The following USO1 variants were observed in gnomAD, a reference collection of about 807,000 sequenced individuals.
USO1 encodes the protein general vesicular transport factor p115.
In USO1, 57 loss-of-function variants were observed where a neutral mutation model predicts 124.5. That is an observed-to-expected ratio of 0.46 (90% CI 0.37 to 0.57). The LOEUF is 0.57. Ranked by LOEUF, USO1 falls within the 20% of genes least tolerant of loss-of-function variation. The pLI, the probability that USO1 is intolerant of heterozygous loss-of-function variation, is 0.00. For synonymous variants in USO1, 369 were observed against 362.8 expected (o/e 1.02, Z -0.19); for missense variants, 900 against 1,040.6 (o/e 0.86, Z 1.86).
At chr4:75,811,019 G>A (rs954522475) in intron 22 of USO1, among the ~76,000 whole-genome samples, 3 of 152,108 alleles carry the variant, frequency 2.0e-5, no homozygotes, top group African/African-American at 7.2e-5. Flanking sequence ...TTACAGGTGT[G>A]AGCTGCCGCA....
intron 10 of USO1, among the ~76,000 whole-genome samples, chr4:75,788,915 A>G (rs1264381967): frequency 1.3e-5 from 2 of 152,084 alleles, no homozygotes; most frequent in Non-Finnish European, 2.9e-5. Context: ...TGAAAATGTC[A>G]TTTCTCTACT....
chr4:75,802,233 G>C (rs943228299), intron 17 of USO1, among the ~76,000 whole-genome samples: 10 of 152,074 alleles, frequency 6.6e-5, no homozygotes, highest in African/African-American at 2.4e-4. Context: ...TCTTAGAATG[G>C]TAAAATTTGA....
At chr4:75,776,623 G>C (rs1722078303) in intron 8 of USO1, among the ~76,000 whole-genome samples, 1 of 152,310 alleles carries the variant, frequency 6.6e-6, no homozygotes. Flanking sequence ...TCACTAAGGT[G>C]CATGCTGGAA....
intron 1 of USO1, among the ~76,000 whole-genome samples, chr4:75,733,120 G>A (rs1237352268): frequency 2.0e-5 from 3 of 151,504 alleles, no homozygotes; most frequent in Non-Finnish European, 4.4e-5. Context: ...TTAGCCGGGC[G>A]TGGTGGCGGG....
chr4:75,804,484 CTGTT>C (rs1487068759), intron 18 of USO1, among the ~76,000 whole-genome samples: 1 of 152,126 alleles, frequency 6.6e-6, no homozygotes, highest in Non-Finnish European at 1.5e-5. Context: ...TTCTTGCTAC[CTGTT>C]TATCTGGCCC....
At chr4:75,792,186 G>A (rs1227511854) in intron 12 of USO1, among the ~76,000 whole-genome samples, 1 of 152,028 alleles carries the variant, frequency 6.6e-6, no homozygotes, top group African/African-American at 2.4e-5. Context: ...TATTGCTTGA[G>A]TATAGGAGTT....
intron 1 of USO1, among the ~76,000 whole-genome samples, chr4:75,739,002 G>C (rs895144953): frequency 4.0e-5 from 6 of 151,820 alleles, no homozygotes; most frequent in African/African-American, 1.5e-4. Flanking sequence ...ACAGGTGCCC[G>C]CCACCATGCC....
chr4:75,725,271 C>G (rs956692686), intron 1 of USO1, among the ~76,000 whole-genome samples: 1 of 152,210 alleles, frequency 6.6e-6, no homozygotes, highest in African/African-American at 2.4e-5. Context: ...TCTGCACTGG[C>G]CGAGAGGAGC....
chr4:75,782,617 G>T, intron 8 of USO1, 63 bp from the exon 9 acceptor site: 1 of 1,490,860 alleles, frequency 6.7e-7, no homozygotes, highest in Non-Finnish European at 8.9e-7. Flanking sequence ...TTTTAAAAAT[G>T]TTTGGGAGTT....
intron 3 of USO1, among the ~76,000 whole-genome samples, chr4:75,757,145 T>C (rs950943346): frequency 1.3e-5 from 2 of 152,110 alleles, no homozygotes; most frequent in Non-Finnish European, 2.9e-5. Flanking sequence ...ATTTTTCCAC[T>C]TGCTATTATA....
chr4:75,790,975 G>A (rs1408838231), intron 12 of USO1, among the ~76,000 whole-genome samples, 178 bp downstream of exon 12: 1 of 151,214 alleles, frequency 6.6e-6, no homozygotes, highest in Non-Finnish European at 1.5e-5. Flanking sequence ...AACAGGCTTT[G>A]GAGTCAGACC....
chr4:75,727,772 A>T (rs190724410), intron 1 of USO1, among the ~76,000 whole-genome samples: 18 of 152,120 alleles, frequency 1.2e-4, no homozygotes, highest in African/African-American at 4.1e-4. Context: ...GCTTTTTCTA[A>T]CATCTTTTTT....
intron 8 of USO1, among the ~76,000 whole-genome samples, chr4:75,777,149 C>T (rs757349376): frequency 3.3e-5 from 5 of 152,050 alleles, no homozygotes; most frequent in Non-Finnish European, 7.4e-5. Flanking sequence ...TTTTTAGTGA[C>T]GTCCTTTCAT....
At chr4:75,751,703 T>C (rs1577936645) in intron 1 of USO1, among the ~76,000 whole-genome samples, 1 of 151,358 alleles carries the variant, frequency 6.6e-6, no homozygotes, top group African/African-American at 2.4e-5. Context: ...TGGTGGCAGG[T>C]GCCTGTAATC....
In USO1 at chr4:75,806,582, C is replaced by G; in HGVS notation, c.2376+10C>G. Reference sequence around the variant, plus strand: ...TGCAGAATTAAAACAGGTAATTTTCCACTTTGATCCAATTCTACTTTGTCA... The same window carrying G: ...TGCAGAATTAAAACAGGTAATTTTCGACTTTGATCCAATTCTACTTTGTCA... On this transcript the variant is annotated intron_variant, in intron 20 of 23. Coordinates refer to ENST00000514213, the MANE Select transcript of USO1 (RefSeq NM_003715.4). 6.4e-7 allele frequency: 1 copy of G among 1,550,530 alleles called. No individual in the cohort carries two copies. The highest frequency in any genetic ancestry group is 8.7e-7 in the Non-Finnish European group (1 of 1,146,766).
intron 1 of USO1, among the ~76,000 whole-genome samples, chr4:75,739,303 A>G (rs1720887011): frequency 6.6e-6 from 1 of 152,064 alleles, no homozygotes; most frequent in Non-Finnish European, 1.5e-5. Context: ...CTTACTTGCA[A>G]ATTCACCTAC....
chr4:75,756,765 A>T (rs2149158411), intron 3 of USO1, among the ~76,000 whole-genome samples: 1 of 152,066 alleles, frequency 6.6e-6, no homozygotes, highest in African/African-American at 2.4e-5. Flanking sequence ...CACCTGCCTC[A>T]GCCTCCCAAA....
At position 75,800,808 on chromosome 4, in the gene USO1, G is replaced by A. The variant is rs907169848; in HGVS notation, c.1864+9G>A. 1.2e-6 allele frequency: 2 copies of A among 1,610,064 alleles called. No individual in the cohort carries two copies. Among genetic ancestry groups the A allele is most frequent in the Non-Finnish European group, 8.5e-7 (1 of 1,177,952 alleles). On this transcript the variant is annotated intron_variant, in intron 16 of 23. Coordinates refer to ENST00000514213, the MANE Select transcript of USO1 (RefSeq NM_003715.4). Reference sequence around the variant, plus strand: ...GGTAAAAGAACTTGAAGGTAAGACTGAAGATTTATATTGATATTTGATGGA... The same window carrying A: ...GGTAAAAGAACTTGAAGGTAAGACTAAAGATTTATATTGATATTTGATGGA...
At position 75,764,755 on chromosome 4, in the gene USO1, T is replaced by G. The variant is rs538150903; in HGVS notation, c.296-5684T>G. On this transcript the variant is annotated intron_variant, in intron 4 of 23. Coordinates refer to ENST00000514213, the MANE Select transcript of USO1 (RefSeq NM_003715.4). ...TGTCTATCTTGTAAGCAAGGCTGTT[T>G]GACCCACATAGTATTTTAAGTAAGG... is the stretch of plus-strand genomic sequence containing the variant. Among the ~76,000 whole-genome samples the G allele has an allele frequency of 2.0e-5, 3 of 152,334 alleles. No homozygotes were observed. In the South Asian group the frequency reaches 6.2e-4, roughly 32 times the overall value.
Sources: allele counts gnomAD v4.1 joint callset (sites outside exome capture counted in the v4.1 genomes callset), GRCh38; gene constraint gnomAD v4.1.1; transcripts MANE v1.5; gene names NCBI Gene and HGNC (gene_info 2026-07-23, HGNC 2026-07-21).